The following GMDS variants were observed in gnomAD, a reference collection of about 807,000 sequenced individuals.
GMDS encodes GDP-mannose 4,6-dehydratase.
In GMDS, 20 loss-of-function variants were observed where a neutral mutation model predicts 49.9. That is an observed-to-expected ratio of 0.40 (90% CI 0.28 to 0.58). The LOEUF (loss-of-function observed/expected upper bound fraction) is 0.58, where lower values mean the gene tolerates loss of function less well. Among genes scored for constraint, GMDS ranks in the 20% least tolerant of loss-of-function variants. The pLI, the probability that GMDS is intolerant of heterozygous loss-of-function variation, is 0.42. For missense variants in GMDS, 362 were observed against 481.4 expected, an observed-to-expected ratio of 0.75 and a Z score of 2.32; for synonymous variants, 177 against 178.6, an observed-to-expected ratio of 0.99 and a Z score of 0.07.
intron 4 of GMDS, among the ~76,000 whole-genome samples, chr6:1,962,548 A>G (rs144664091): frequency 1.3e-3 from 200 of 152,236 alleles, no homozygotes; most frequent in African/African-American, 4.5e-3. Context: ...TCCACATCCT[A>G]CATAGACTTG....
intron 7 of GMDS, among the ~76,000 whole-genome samples, chr6:1,841,208 G>T (rs948181707): frequency 2.0e-5 from 3 of 152,322 alleles, no homozygotes; most frequent in Non-Finnish European, 1.5e-5. Flanking sequence ...AGTGCTGGAA[G>T]TGCTAAAAAT....
chr6:2,049,665 AG>A (rs1770259036), intron 4 of GMDS, among the ~76,000 whole-genome samples: 1 of 152,150 alleles, frequency 6.6e-6, no homozygotes, highest in East Asian at 1.9e-4. Flanking sequence ...GAAAAGAGGG[AG>A]GTAGTAGGGC....
intron 4 of GMDS, among the ~76,000 whole-genome samples, chr6:2,030,546 A>G (rs1190762525): frequency 1.3e-5 from 2 of 152,214 alleles, no homozygotes; most frequent in African/African-American, 4.8e-5. Flanking sequence ...AGCAGTTTGT[A>G]CAACACATTT....
intron 4 of GMDS, among the ~76,000 whole-genome samples, chr6:2,061,753 G>T (rs890905749): frequency 2.7e-5 from 4 of 149,674 alleles, no homozygotes; most frequent in Non-Finnish European, 5.9e-5. Context: ...ATCTGAAGTG[G>T]TTACCAACCC....
intron 4 of GMDS, among the ~76,000 whole-genome samples, chr6:2,043,652 TACTC>T (rs374626498): frequency 2.8e-4 from 43 of 152,364 alleles, no homozygotes; most frequent in Middle Eastern, 3.4e-3. Context: ...GTGCACGTGA[TACTC>T]ACACTATATT....
chr6:1,657,783 G>A (rs190343013), intron 9 of GMDS, among the ~76,000 whole-genome samples: 1 of 139,750 alleles, frequency 7.2e-6, no homozygotes, highest in African/African-American at 2.6e-5. Context: ...TCCCTGGAGA[G>A]TTGGGCAAAA....
At chr6:2,159,133 A>G (rs1215869131) in intron 1 of GMDS, among the ~76,000 whole-genome samples, 1 of 152,210 alleles carries the variant, frequency 6.6e-6, no homozygotes, top group Non-Finnish European at 1.5e-5. Flanking sequence ...ACTAAGTCCA[A>G]CTTTGGGGAT....
intron 7 of GMDS, among the ~76,000 whole-genome samples, chr6:1,909,882 G>A (rs1160076650): frequency 2.6e-5 from 4 of 152,080 alleles, no homozygotes; most frequent in Admixed American, 1.3e-4. Context: ...TTCCATAACC[G>A]TAGTTAAGAA....
intron 1 of GMDS, among the ~76,000 whole-genome samples, chr6:2,161,588 T>C (rs1276521202): frequency 6.6e-6 from 1 of 152,218 alleles, no homozygotes. Context: ...AAATTCATTT[T>C]CCACATCTTA....
At chr6:2,209,326 G>A (rs1396987326) in intron 1 of GMDS, among the ~76,000 whole-genome samples, 1 of 152,130 alleles carries the variant, frequency 6.6e-6, no homozygotes, top group Non-Finnish European at 1.5e-5. Context: ...AAAAAGTCTG[G>A]GCCACTGAAC....
chr6:1,709,007 T>C (rs547810756), intron 9 of GMDS, among the ~76,000 whole-genome samples: 45 of 152,148 alleles, frequency 3.0e-4, no homozygotes, highest in African/African-American at 9.6e-4. Flanking sequence ...GAAAAGAGGG[T>C]GCAGCTGTCT....
At chr6:2,142,719 A>G (rs960817689) in intron 1 of GMDS, among the ~76,000 whole-genome samples, 1 of 152,202 alleles carries the variant, frequency 6.6e-6, no homozygotes, top group Non-Finnish European at 1.5e-5. Flanking sequence ...GACTAACACA[A>G]GACCAAAAGA....
intron 1 of GMDS, among the ~76,000 whole-genome samples, chr6:2,137,195 C>T (rs1328941592): frequency 1.3e-5 from 2 of 152,108 alleles, no homozygotes; most frequent in Non-Finnish European, 2.9e-5. Flanking sequence ...ATTATGAAAA[C>T]CTTCAATTTC....
At chr6:2,036,693 T>C (rs998670246) in intron 4 of GMDS, among the ~76,000 whole-genome samples, 7 of 152,176 alleles carry the variant, frequency 4.6e-5, no homozygotes, top group African/African-American at 1.4e-4. Flanking sequence ...AGAAAGTAAA[T>C]ATAGGATATA....
chr6:2,069,485 A>G (rs1011889807), intron 4 of GMDS, among the ~76,000 whole-genome samples: 6 of 151,962 alleles, frequency 3.9e-5, no homozygotes, highest in Admixed American at 3.9e-4. Context: ...CAGGCAACCT[A>G]CAGAATGGGA....
chr6:2,199,471 C>G (rs1258769943), intron 1 of GMDS, among the ~76,000 whole-genome samples: 1 of 152,132 alleles, frequency 6.6e-6, no homozygotes, highest in Non-Finnish European at 1.5e-5. Flanking sequence ...TTACTTTCTG[C>G]CTTCAAATGC....
At chr6:1,998,944 G>A (rs1766466932) in intron 4 of GMDS, among the ~76,000 whole-genome samples, 1 of 151,936 alleles carries the variant, frequency 6.6e-6, no homozygotes, top group South Asian at 2.1e-4. Context: ...AAATACTTCA[G>A]CCAAAAAAGT....
chr6:2,213,961 C>T (rs1780195603), intron 1 of GMDS, among the ~76,000 whole-genome samples: 1 of 152,094 alleles, frequency 6.6e-6, no homozygotes, highest in South Asian at 2.1e-4. Context: ...AATAAACCTG[C>T]CTTTGGGCTC....
At chr6:1,659,113 T>C (rs1763983598) in intron 9 of GMDS, among the ~76,000 whole-genome samples, 1 of 152,014 alleles carries the variant, frequency 6.6e-6, no homozygotes, top group African/African-American at 2.4e-5. Flanking sequence ...CTATTCCTCA[T>C]GAACCATGGG....
Sources: gnomAD v4.1 joint callset for allele counts (sites outside exome capture counted in the v4.1 genomes callset) on GRCh38, gnomAD v4.1.1 for gene constraint, MANE v1.5 for transcripts, NCBI Gene and HGNC (gene_info 2026-07-23, HGNC 2026-07-21) for gene names.